Variants in EPHA6 observed in about 807,000 individuals in gnomAD.
The protein encoded by EPHA6 is ephrin type-A receptor 6.
A neutral mutation model predicts 112.0 loss-of-function variants in EPHA6; 50 were observed. The ratio of observed to expected loss-of-function variants is 0.45; its 90% confidence interval spans 0.36 to 0.56. The LOEUF is 0.56. EPHA6 is among the 20% of genes least tolerant of loss of function. EPHA6 has a pLI of 0.00. For synonymous variants in EPHA6, 529 were observed against 490.7 expected, an observed-to-expected ratio of 1.08 and a Z score of -1.03; for missense variants, 1,280 against 1,417.4, an observed-to-expected ratio of 0.90 and a Z score of 1.56.
intron 11 of EPHA6, among the ~76,000 whole-genome samples, chr3:97,541,736 T>C (rs1018228725): frequency 6.8e-6 from 1 of 147,838 alleles, no homozygotes; most frequent in Non-Finnish European, 1.5e-5. Context: ...TGTTTTTTTT[T>C]TTTTGTTTGT....
chr3:97,284,926 A>G (rs546314240), intron 5 of EPHA6, among the ~76,000 whole-genome samples: 1 of 152,290 alleles, frequency 6.6e-6, no homozygotes, highest in South Asian at 2.1e-4. Context: ...CATTCACTAT[A>G]TAACTGACAT....
chr3:97,293,542 C>T (rs2080771066), intron 5 of EPHA6, among the ~76,000 whole-genome samples: 1 of 152,208 alleles, frequency 6.6e-6, no homozygotes, highest in Admixed American at 6.5e-5. Flanking sequence ...GTAGGTAGCT[C>T]CATTCATGCA....
chr3:97,010,771 G>C (rs2044057499), intron 3 of EPHA6, among the ~76,000 whole-genome samples: 1 of 152,122 alleles, frequency 6.6e-6, no homozygotes, highest in Admixed American at 6.5e-5. Context: ...TGATTCTTGT[G>C]CCTCAGCCTC....
intron 2 of EPHA6, among the ~76,000 whole-genome samples, chr3:96,986,833 A>T (rs549345541): frequency 1.3e-5 from 2 of 152,306 alleles, no homozygotes; most frequent in South Asian, 4.1e-4. Context: ...TAGTCATATA[A>T]ATATTTAATT....
chr3:97,170,490 A>C (rs1464672937), intron 3 of EPHA6, among the ~76,000 whole-genome samples: 1 of 152,094 alleles, frequency 6.6e-6, no homozygotes, highest in East Asian at 1.9e-4. Context: ...TAATCCCAGC[A>C]CTTTGGGAGG....
At chr3:96,892,574 C>A (rs1445529985) in intron 2 of EPHA6, among the ~76,000 whole-genome samples, 1 of 151,852 alleles carries the variant, frequency 6.6e-6, no homozygotes, top group Non-Finnish European at 1.5e-5. Flanking sequence ...ATCATCGGGA[C>A]TCAGATATGG....
At position 97,736,026 on chromosome 3, in the gene EPHA6, T is replaced by G. The variant is rs1283096798; in HGVS notation, c.3036T>G (p.Asn1012Lys). 1 of 1,612,650 alleles carries G rather than the reference T, an allele frequency of 6.2e-7. No individual in the cohort carries two copies. Among genetic ancestry groups the G allele is most frequent in the Admixed American group, 1.7e-5 (1 of 59,840 alleles). ...TCCACTGCTGGCAGAAGGAGAGAAA[T>G]CACAGACCAAAATTTACTGACATTG... is the stretch of plus-strand genomic sequence containing the variant. Reference protein sequence around the residue: ...LMLHCWQKERNHRPKFTDIVS... With the variant: ...LMLHCWQKERKHRPKFTDIVS... The change falls in exon 16 of 18, where the codon AAT becomes AAG. Residue 1012 changes from asparagine (N) to lysine (K), a missense_variant. Physicochemically the swap from Asn to Lys is moderately conservative, Grantham distance 94. This residue lies in a region of EPHA6 where 145 missense variants were observed against 153.3 expected (regional missense o/e 0.95). Coordinates refer to ENST00000389672, the MANE Select transcript of EPHA6 (RefSeq NM_001080448.3).
chr3:97,368,941 T>G (rs1026448193), intron 5 of EPHA6, among the ~76,000 whole-genome samples: 4 of 152,196 alleles, frequency 2.6e-5, no homozygotes, highest in African/African-American at 9.6e-5. Context: ...CTATGACATA[T>G]AGGTTGACCT....
intron 14 of EPHA6, among the ~76,000 whole-genome samples, chr3:97,676,171 A>C (rs2031354953): frequency 6.6e-6 from 1 of 152,160 alleles, no homozygotes; most frequent in Admixed American, 6.6e-5. Context: ...ATTTAAAGCC[A>C]TGAGACTGAA....
chr3:96,869,873 A>T (rs933338299), intron 2 of EPHA6, among the ~76,000 whole-genome samples: 8 of 152,194 alleles, frequency 5.3e-5, no homozygotes, highest in South Asian at 2.1e-4. Context: ...TTTAATGGCA[A>T]TTGGAGATTA....
At chr3:97,157,107 C>T (rs977916442) in intron 3 of EPHA6, among the ~76,000 whole-genome samples, 1 of 152,024 alleles carries the variant, frequency 6.6e-6, no homozygotes, top group Non-Finnish European at 1.5e-5. Flanking sequence ...TGTGAAGTAA[C>T]CTTTATAGAG....
chr3:97,240,384 A>G (rs1036198786), intron 4 of EPHA6, among the ~76,000 whole-genome samples: 10 of 151,896 alleles, frequency 6.6e-5, no homozygotes, highest in Non-Finnish European at 1.3e-4. Flanking sequence ...CTTGGCAGTC[A>G]TTAAATTAAC....
intron 5 of EPHA6, among the ~76,000 whole-genome samples, chr3:97,350,824 G>GA (rs59867594): frequency 0.1 from 15,169 of 150,664 alleles, 1,428 homozygotes; most frequent in Admixed American, 0.22. Flanking sequence ...AAGCCCTCAA[G>GA]AAAAAAAAAT....
Position 97,755,703 on chromosome 3 carries a change from G to C in EPHA6, c.*7002G>C, listed in dbSNP as rs1381964573. 1.3e-5 allele frequency among the ~76,000 whole-genome samples: 2 copies of C among 152,112 alleles called. No individual in the cohort carries two copies. The highest frequency in any genetic ancestry group is 4.8e-5 in the African/African-American group (2 of 41,444). On this transcript the variant is annotated 3_prime_UTR_variant, in exon 18 of 18. Coordinates refer to ENST00000389672, the MANE Select transcript of EPHA6 (RefSeq NM_001080448.3). ...ATTTAGGTATTAGTAACTGAGGATA[G>C]ATATCTTTGTTTCATGAGTTCAATA...
chr3:97,251,750 AAC>A (rs1200568226), intron 5 of EPHA6, among the ~76,000 whole-genome samples: 1 of 152,144 alleles, frequency 6.6e-6, no homozygotes, highest in African/African-American at 2.4e-5. Flanking sequence ...TAGATTCTAA[AAC>A]AGTCAGTCGT....
chr3:97,117,150 T>G (rs905220531), intron 3 of EPHA6, among the ~76,000 whole-genome samples: 2 of 151,700 alleles, frequency 1.3e-5, no homozygotes, highest in African/African-American at 2.4e-5. Context: ...CTTCTGAGGT[T>G]TTGGCCCATT....
At chr3:97,089,516 T>C (rs2047000766) in intron 3 of EPHA6, among the ~76,000 whole-genome samples, 1 of 152,136 alleles carries the variant, frequency 6.6e-6, no homozygotes. Context: ...TCTTTCCCCT[T>C]GATGTTGCCC....
intron 5 of EPHA6, among the ~76,000 whole-genome samples, chr3:97,272,297 CGT>C (rs58790255): frequency 0.052 from 7,795 of 150,246 alleles, 371 homozygotes; most frequent in African/African-American, 0.13. Context: ...TATTCCATTT[CGT>C]GTGTGTGTGT....
chr3:97,238,482 C>T (rs971132588), intron 4 of EPHA6, among the ~76,000 whole-genome samples: 4 of 151,874 alleles, frequency 2.6e-5, no homozygotes, highest in African/African-American at 9.7e-5. Context: ...GCTAGATTAG[C>T]AGACTTGTGC....
Sources: gnomAD v4.1 joint callset for allele counts (sites outside exome capture counted in the v4.1 genomes callset) on GRCh38, gnomAD v4.1.1 for gene constraint, gnomAD v4.1.1 regional missense constraint, MANE v1.5 for transcripts, NCBI Gene and HGNC (gene_info 2026-07-23, HGNC 2026-07-21) for gene names.